SYNE2: variants seen among roughly 807,000 people sequenced by gnomAD.
The protein encoded by SYNE2 is spectrin repeat containing nuclear envelope protein 2.
Under a neutral mutation model 856.3 loss-of-function variants are expected in SYNE2, and 431 were observed. That is an observed-to-expected ratio of 0.50 (90% CI 0.47 to 0.55). The LOEUF is 0.55. Among genes scored for constraint, SYNE2 ranks in the 20% least tolerant of loss-of-function variants. The pLI is 0.00. For synonymous variants in SYNE2, 2,923 were observed against 2,872.3 expected, an observed-to-expected ratio of 1.02 and a Z score of -0.56; for missense variants, 8,129 against 8,023.2, an observed-to-expected ratio of 1.01 and a Z score of -0.50.
At position 64,061,077 on chromosome 14, in the gene SYNE2, T is replaced by TA. The variant is rs2097313233; in HGVS notation, c.10068-1669dup. Among the ~76,000 whole-genome samples, 3 of 152,220 alleles carry TA rather than the reference T, an allele frequency of 2.0e-5. No individual in the cohort carries two copies. The South Asian group carries it at 6.2e-4, about 32-fold the overall frequency. On this transcript the variant is annotated intron_variant, in intron 49 of 115. Transcript: ENST00000555002. ...CCATGCCTCTTTCAGAGATATGAAC[T>TA]AAAAACTAGTTACTGTGATTGCTCT...
At chr14:64,174,349 G>T (rs1249106859) in intron 94 of SYNE2, among the ~76,000 whole-genome samples, 5 of 152,180 alleles carry the variant, frequency 3.3e-5, no homozygotes, top group African/African-American at 1.2e-4. Flanking sequence ...TGGGATTACA[G>T]GCATGAGCCA....
At position 63,902,281 on chromosome 14, in the gene SYNE2, C is replaced by T. The variant is rs540492331; in HGVS notation, c.-51-6817C>T. On this transcript the variant is annotated intron_variant, in intron 1 of 115. Coordinates refer to ENST00000555002, the MANE Select transcript of SYNE2 (RefSeq NM_182914.3). ...CAAAAATTAGCCGTGTGTGGTGGTACGTGCCTGTAATCCCAGCTACTAGGG... is the reference window on the plus strand; with the variant it reads ...CAAAAATTAGCCGTGTGTGGTGGTATGTGCCTGTAATCCCAGCTACTAGGG... Among the ~76,000 whole-genome samples the T allele has an allele frequency of 6.2e-4, 94 of 151,662 alleles. 1 individual carries two copies. Among genetic ancestry groups the T allele is most frequent in the Admixed American group, 1.4e-3 (21 of 15,218 alleles).
Position 64,020,012 on chromosome 14 carries a change from A to G in SYNE2, c.5070A>G (p.Glu1690=). Reference sequence around the variant, plus strand: ...TTTAGGAAGAATTACAAGTCCATGAACAAAAAACTTCAGAATTTTCTAGAA... The same window carrying G: ...TTTAGGAAGAATTACAAGTCCATGAGCAAAAAACTTCAGAATTTTCTAGAA... The part of the protein sequence containing the change: ...ERLKEELQVH[E]QKTSEFSRRV... The change falls in exon 35 of 116, where the codon GAA becomes GAG. Residue 1690 remains glutamate (E), a synonymous_variant. Transcript: ENST00000555002. 6.2e-7 allele frequency: 1 copy of G among 1,613,050 alleles called. No individual in the cohort carries two copies. The highest frequency in any genetic ancestry group is 8.5e-7 in the Non-Finnish European group (1 of 1,179,038).
intron 45 of SYNE2, among the ~76,000 whole-genome samples, chr14:64,044,944 C>A (rs1460507202): frequency 6.6e-6 from 1 of 151,982 alleles, no homozygotes; most frequent in African/African-American, 2.4e-5. Context: ...ATATTTTATT[C>A]AAGTTCATAT....
chr14:64,165,494 A>G (rs1233314338), intron 90 of SYNE2, 84 bp downstream of exon 90: 5 of 1,421,276 alleles, frequency 3.5e-6, no homozygotes, highest in Non-Finnish European at 4.9e-6. Context: ...AACTTATGGA[A>G]TGCTTGCATC....
chr14:64,116,177 G>T (rs1197588996), intron 66 of SYNE2, among the ~76,000 whole-genome samples: 1 of 87,788 alleles, frequency 1.1e-5, no homozygotes, highest in Non-Finnish European at 2.2e-5. Flanking sequence ...TCAAAAAAAA[G>T]AAAGAGAAAG....
intron 1 of SYNE2, among the ~76,000 whole-genome samples, chr14:63,904,649 A>G (rs943260885): frequency 2.6e-5 from 4 of 151,810 alleles, no homozygotes; most frequent in African/African-American, 7.3e-5. Context: ...TCCTTTGCCC[A>G]TTTTTTAATG....
chr14:63,947,803 C>T (rs2096059648), intron 6 of SYNE2, among the ~76,000 whole-genome samples: 1 of 151,986 alleles, frequency 6.6e-6, no homozygotes, highest in African/African-American at 2.4e-5. Flanking sequence ...TGCCATTGCC[C>T]TCCAGACGGG....
chr14:63,827,761 G>A (rs542687589), intron 1 of SYNE2, among the ~76,000 whole-genome samples: 8 of 151,466 alleles, frequency 5.3e-5, no homozygotes, highest in African/African-American at 1.7e-4. Flanking sequence ...CACAGGGGGA[G>A]AGCGGACTGA....
intron 53 of SYNE2, among the ~76,000 whole-genome samples, chr14:64,075,138 T>A (rs184135834): frequency 6.6e-6 from 1 of 152,282 alleles, no homozygotes. Context: ...CATTACAGAG[T>A]CATTTAAAAT....
At chr14:63,857,377 A>G (rs924184719) in intron 1 of SYNE2, among the ~76,000 whole-genome samples, 2 of 152,124 alleles carry the variant, frequency 1.3e-5, no homozygotes, top group Non-Finnish European at 2.9e-5. Flanking sequence ...CTTTTCACCC[A>G]TTGATAGACA....
At chr14:64,215,419 C>T in intron 107 of SYNE2, 65 bp downstream of exon 107, 1 of 1,507,354 alleles carries the variant, frequency 6.6e-7, no homozygotes, top group South Asian at 1.1e-5. Context: ...CATCCTCAAC[C>T]TCGCTCCCAT....
At chr14:63,794,710 T>C (rs1887856704) in intron 1 of SYNE2, among the ~76,000 whole-genome samples, 1 of 152,050 alleles carries the variant, frequency 6.6e-6, no homozygotes, top group South Asian at 2.1e-4. Context: ...ACAATAAAAA[T>C]ATAACTACAC....
intron 65 of SYNE2, chr14:64,112,947 G>A: frequency 1.1e-6 from 1 of 944,518 alleles, no homozygotes. Flanking sequence ...TGTTGGAATA[G>A]AGTGTGCAGC....
intron 45 of SYNE2, chr14:64,034,647 TC>T: frequency 2.1e-6 from 1 of 467,420 alleles, no homozygotes; most frequent in Non-Finnish European, 3.8e-6. Context: ...TTGGAAATGT[TC>T]AGGCAGACCT....
chr14:64,118,631 G>C (rs547057762), intron 66 of SYNE2, among the ~76,000 whole-genome samples: 93 of 152,212 alleles, frequency 6.1e-4, no homozygotes, highest in African/African-American at 2.1e-3. Context: ...GGGAGGCCTA[G>C]GTGGGCAGAT....
chr14:63,974,910 A>G (rs1038837844), intron 11 of SYNE2, among the ~76,000 whole-genome samples: 1,629 of 48,116 alleles, frequency 0.034, 98 homozygotes, highest in African/African-American at 0.05. Context: ...ATATATATAT[A>G]TATATATGTA....
At chr14:63,821,148 G>T (rs932530241) in intron 1 of SYNE2, among the ~76,000 whole-genome samples, 5 of 151,766 alleles carry the variant, frequency 3.3e-5, no homozygotes, top group African/African-American at 1.2e-4. Context: ...TATTATATAT[G>T]GTTTATTGTA....
chr14:63,939,374 G>C (rs1595755698), intron 2 of SYNE2, among the ~76,000 whole-genome samples: 2 of 135,836 alleles, frequency 1.5e-5, no homozygotes, highest in Admixed American at 1.5e-4. Flanking sequence ...TTGAGACGAA[G>C]TCTCGCATTG....
Sources: gnomAD v4.1 joint callset for allele counts (sites outside exome capture counted in the v4.1 genomes callset) on GRCh38, gnomAD v4.1.1 for gene constraint, MANE v1.5 for transcripts, NCBI Gene and HGNC (gene_info 2026-07-23, HGNC 2026-07-21) for gene names.